The following PCMTD1 variants were observed in gnomAD, a reference collection of about 807,000 sequenced individuals.
PCMTD1 encodes the protein protein-L-isoaspartate O-methyltransferase domain-containing protein 1.
PCMTD1 carries 12 observed loss-of-function variants against 37.6 expected under a neutral mutation model. The observed-to-expected ratio is 0.32, with a 90% CI of 0.20 to 0.52. The LOEUF is 0.52. PCMTD1 is among the 20% of genes least tolerant of loss of function. The probability of loss-of-function intolerance (pLI) is 0.97; values close to 1 mark genes in which losing one functional copy is unlikely to be tolerated. For synonymous variants in PCMTD1, 117 were observed against 135.8 expected (o/e 0.86, Z 0.96); for missense variants, 235 against 421.3 (o/e 0.56, Z 3.87).
intron 1 of PCMTD1, among the ~76,000 whole-genome samples, chr8:51,888,813 T>G (rs2038899105): frequency 6.6e-6 from 1 of 152,164 alleles, no homozygotes; most frequent in African/African-American, 2.4e-5. Context: ...TCTTAGCAAA[T>G]TATCCCGCAT....
intron 4 of PCMTD1, 29 bp from the exon 5 acceptor site, chr8:51,831,596 GA>G (rs1445294004): frequency 6.3e-7 from 1 of 1,595,064 alleles, no homozygotes; most frequent in East Asian, 2.2e-5. Context: ...GAAAGAAAGT[GA>G]ACAACTTAAT....
chr8:51,819,240 A>AT lies in PCMTD1; in HGVS notation c.*1110dup, dbSNP rs1219617405. ...TGGCATAGGTCCCAAAGATTACACT[A>AT]TGATTCTGAACAGCATTTTCAAAAC... On this transcript the variant is annotated 3_prime_UTR_variant, in exon 6 of 6. Coordinates refer to ENST00000522514, the MANE Select transcript of PCMTD1 (RefSeq NM_052937.4). 6.6e-6 allele frequency: 1 copy of AT among 152,140 alleles called. No individual in the cohort carries two copies. The highest frequency in any genetic ancestry group is 2.4e-5 in the African/African-American group (1 of 41,442). The allele number at this position is 152,140 out of a possible 1,614,324, so 9.4% of individuals were successfully genotyped here. A position where few individuals can be genotyped will look rare whatever the true frequency, so the allele number is the denominator to read the frequency against.
intron 2 of PCMTD1, among the ~76,000 whole-genome samples, chr8:51,858,025 A>T (rs1162150352): frequency 6.6e-6 from 1 of 152,160 alleles, no homozygotes; most frequent in Non-Finnish European, 1.5e-5. Flanking sequence ...TAATAATAAT[A>T]AAAGAAAAAC....
At chr8:51,869,548 T>C (rs1334494711) in intron 1 of PCMTD1, among the ~76,000 whole-genome samples, 1 of 152,146 alleles carries the variant, frequency 6.6e-6, no homozygotes, top group East Asian at 1.9e-4. Flanking sequence ...CTGCTGTCCA[T>C]GCCTTGGCAT....
intron 1 of PCMTD1, among the ~76,000 whole-genome samples, chr8:51,873,563 C>T (rs1203791867): frequency 6.6e-6 from 1 of 152,056 alleles, no homozygotes. Flanking sequence ...TTGTCACATC[C>T]CAAATCCCAT....
intron 1 of PCMTD1, among the ~76,000 whole-genome samples, chr8:51,878,683 A>T (rs2038749803): frequency 6.6e-6 from 1 of 152,208 alleles, no homozygotes; most frequent in Non-Finnish European, 1.5e-5. Context: ...CAAGAGGTGA[A>T]GGCTGCAGCA....
chr8:51,886,211 G>A (rs1194969149), intron 1 of PCMTD1, among the ~76,000 whole-genome samples: 1 of 152,070 alleles, frequency 6.6e-6, no homozygotes, highest in South Asian at 2.1e-4. Flanking sequence ...TCCCCTGTTC[G>A]ACTTATTCAA....
At position 51,855,186 on chromosome 8, in the gene PCMTD1, A is replaced by AC. The variant is rs1233768353; in HGVS notation, c.307+5658_307+5659insG. ...TGAAACTCCATCTCAAAAAAAAAAA[A>AC]AAACAAACAAAAAAAAAACATAATT... On this transcript the variant is annotated intron_variant, in intron 2 of 5. Transcript: ENST00000522514. Among the ~76,000 whole-genome samples the AC allele has an allele frequency of 2.9e-4, 40 of 136,782 alleles. 1 individual carries two copies. Among genetic ancestry groups the AC allele is most frequent in the East Asian group, 9.1e-4 (4 of 4,418 alleles). The allele number at this position is 136,782 out of a possible 152,430, so 89.7% of individuals were successfully genotyped here.
At chr8:51,891,400 A>C (rs1433025797) in intron 1 of PCMTD1, among the ~76,000 whole-genome samples, 1 of 147,476 alleles carries the variant, frequency 6.8e-6, no homozygotes, top group Non-Finnish European at 1.5e-5. Flanking sequence ...AAAATGAAAG[A>C]AAAAAACAAT....
chr8:51,857,494 T>G (rs1303207420), intron 2 of PCMTD1, among the ~76,000 whole-genome samples: 1 of 152,180 alleles, frequency 6.6e-6, no homozygotes, highest in Non-Finnish European at 1.5e-5. Flanking sequence ...ATAACTTGCC[T>G]TCGTGGTTCT....
chr8:51,833,795 T>C lies in PCMTD1; in HGVS notation c.411-106A>G. 3 of 729,438 alleles carry C rather than the reference T, an allele frequency of 4.1e-6. No individual in the cohort carries two copies. In the South Asian group the frequency reaches 7.1e-5, roughly 17 times the overall value. 45.2% of individuals were successfully genotyped at this position (729,438 alleles called of 1,614,324 possible). A position where few individuals can be genotyped will look rare whatever the true frequency, so the allele number is the denominator to read the frequency against. On this transcript the variant is annotated intron_variant, in intron 3 of 5. Coordinates refer to ENST00000522514, the MANE Select transcript of PCMTD1 (RefSeq NM_052937.4). The stretch of plus-strand genomic sequence containing the variant: ...ATAATGACGTTACCCAAATTAATTA[T>C]AAGGATAAAATGATTATAAACTTTA...
intron 3 of PCMTD1, among the ~76,000 whole-genome samples, chr8:51,835,074 A>C (rs984066949): frequency 6.6e-6 from 1 of 152,146 alleles, no homozygotes; most frequent in Non-Finnish European, 1.5e-5. Flanking sequence ...TCTACCATCA[A>C]GTCTTTCTAC....
intron 1 of PCMTD1, among the ~76,000 whole-genome samples, chr8:51,864,290 T>G (rs1002636013): frequency 3.9e-5 from 6 of 152,130 alleles, no homozygotes; most frequent in Admixed American, 3.9e-4. Context: ...AAGGATGAGA[T>G]CGACTGAAAT....
intron 5 of PCMTD1, chr8:51,826,892 A>G: frequency 1.1e-6 from 1 of 873,352 alleles, no homozygotes; most frequent in Non-Finnish European, 1.4e-6. Flanking sequence ...TTTAAATGTA[A>G]TAAAATTAGT....
At chr8:51,840,997 A>C (rs2038139709) in intron 3 of PCMTD1, among the ~76,000 whole-genome samples, 1 of 152,214 alleles carries the variant, frequency 6.6e-6, no homozygotes. Flanking sequence ...CCTATCTAGG[A>C]AACTTTCCTA....
At chr8:51,859,749 T>G (rs2038444225) in intron 2 of PCMTD1, among the ~76,000 whole-genome samples, 1 of 152,212 alleles carries the variant, frequency 6.6e-6, no homozygotes, top group Admixed American at 6.5e-5. Flanking sequence ...CACTGGAACA[T>G]AGAGTCACCC....
chr8:51,864,131 T>C (rs976540156), intron 1 of PCMTD1, among the ~76,000 whole-genome samples: 3 of 151,994 alleles, frequency 2.0e-5, no homozygotes, highest in Non-Finnish European at 2.9e-5. Flanking sequence ...TCAGACAAAA[T>C]AGACTTTAGG....
At chr8:51,833,400 G>T in intron 4 of PCMTD1, 118 bp downstream of exon 4, 1 of 766,830 alleles carries the variant, frequency 1.3e-6, no homozygotes, top group Non-Finnish European at 2.0e-6. Context: ...GATAAATCTG[G>T]TGAAAAGTAA....
At chr8:51,836,427 T>A (rs972914100) in intron 3 of PCMTD1, among the ~76,000 whole-genome samples, 20 of 152,330 alleles carry the variant, frequency 1.3e-4, no homozygotes, top group Admixed American at 3.9e-4. Flanking sequence ...TTTTACTTAA[T>A]AAAGAGTTGC....
Sources: allele counts gnomAD v4.1 joint callset (sites outside exome capture counted in the v4.1 genomes callset), GRCh38; gene constraint gnomAD v4.1.1; transcripts MANE v1.5; gene names NCBI Gene and HGNC (gene_info 2026-07-23, HGNC 2026-07-21).